The following PTPRD variants were observed in gnomAD, a reference collection of about 807,000 sequenced individuals.
PTPRD encodes the protein receptor-type tyrosine-protein phosphatase delta.
In PTPRD, 34 loss-of-function variants were observed where a neutral mutation model predicts 214.5. The ratio of observed to expected loss-of-function variants is 0.16; its 90% CI spans 0.12 to 0.21. PTPRD has a LOEUF of 0.21. PTPRD is among the 10% of genes least tolerant of loss of function. PTPRD has a pLI of 1.00. For missense variants in PTPRD, 2,545 were observed against 2,398.7 expected, an observed-to-expected ratio of 1.06 and a Z score of -1.27; for synonymous variants, 1,128 against 845.7, an observed-to-expected ratio of 1.33 and a Z score of -5.79.
At chr9:9,886,419 G>A (rs556170966) in intron 5 of PTPRD, among the ~76,000 whole-genome samples, 14 of 152,170 alleles carry the variant, frequency 9.2e-5, no homozygotes, top group East Asian at 5.8e-4. Context: ...CCTTGAGCCC[G>A]AAACTATTGC....
chr9:10,038,639 T>C (rs1015533773), intron 3 of PTPRD, among the ~76,000 whole-genome samples: 2 of 152,100 alleles, frequency 1.3e-5, no homozygotes, highest in Non-Finnish European at 2.9e-5. Flanking sequence ...TAATAATTAT[T>C]AGAGTTGGGA....
intron 23 of PTPRD, 61 bp from the exon 24 acceptor site, chr9:8,501,120 A>G: frequency 7.6e-7 from 1 of 1,308,504 alleles, no homozygotes; most frequent in African/African-American, 1.5e-5. Context: ...GTTGAAAAAA[A>G]AAATGATAAA....
At chr9:9,503,126 C>G (rs1444149878) in intron 8 of PTPRD, among the ~76,000 whole-genome samples, 3 of 151,584 alleles carry the variant, frequency 2.0e-5, no homozygotes, top group Non-Finnish European at 4.4e-5. Context: ...AAAGAAGGGA[C>G]TTGGTTGGTA....
intron 8 of PTPRD, among the ~76,000 whole-genome samples, chr9:9,528,498 T>C (rs1463349114): frequency 6.6e-6 from 1 of 152,186 alleles, no homozygotes; most frequent in African/African-American, 2.4e-5. Flanking sequence ...AACATCAATT[T>C]ATGTCATTGA....
chr9:9,510,376 T>G (rs1371081902), intron 8 of PTPRD, among the ~76,000 whole-genome samples: 1 of 151,680 alleles, frequency 6.6e-6, no homozygotes, highest in Non-Finnish European at 1.5e-5. Flanking sequence ...TGAGCAAACT[T>G]CCCAGCATAT....
intron 12 of PTPRD, among the ~76,000 whole-genome samples, chr9:8,640,914 A>T (rs1595877294): frequency 6.7e-6 from 1 of 149,220 alleles, no homozygotes; most frequent in East Asian, 1.9e-4. Flanking sequence ...TTGCTGGTCA[A>T]ACTCTCAGAT....
At chr9:9,341,446 G>A (rs1008520890) in intron 9 of PTPRD, among the ~76,000 whole-genome samples, 1 of 152,078 alleles carries the variant, frequency 6.6e-6, no homozygotes, top group Non-Finnish European at 1.5e-5. Context: ...CCCACTGACT[G>A]CATTACTATT....
intron 11 of PTPRD, among the ~76,000 whole-genome samples, chr9:8,971,065 C>A (rs1190770744): frequency 1.3e-5 from 2 of 150,296 alleles, no homozygotes; most frequent in East Asian, 1.9e-4. Flanking sequence ...CAAACTGTCA[C>A]AATTCTTTTC....
chr9:9,712,428 T>C (rs1412471426), intron 7 of PTPRD, among the ~76,000 whole-genome samples: 3 of 152,160 alleles, frequency 2.0e-5, no homozygotes, highest in Non-Finnish European at 4.4e-5. Context: ...TTACTCCAGT[T>C]CATTAATATT....
intron 11 of PTPRD, among the ~76,000 whole-genome samples, chr9:8,767,502 T>G (rs1039026512): frequency 2.2e-4 from 33 of 152,306 alleles, no homozygotes; most frequent in African/African-American, 7.2e-4. Flanking sequence ...CATGTACATT[T>G]GTTGCAGCAT....
chr9:8,415,077 T>C (rs2093832544), intron 35 of PTPRD, among the ~76,000 whole-genome samples: 1 of 151,958 alleles, frequency 6.6e-6, no homozygotes, highest in South Asian at 2.1e-4. Context: ...TGCAGTGCAA[T>C]ACCTATCTCC....
rs1322406807 is a variant in PTPRD, at chr9:9,186,853, G to A, written c.-202-3490C>T. ...GAGCATAATCTTCTATTTTCTAACT[G>A]GAATTATCTAGATGATGTTTATATT... On this transcript the variant is annotated intron_variant, in intron 9 of 45. Transcript: ENST00000381196. Among the ~76,000 whole-genome samples, 3 of 151,716 alleles carry A rather than the reference G, an allele frequency of 2.0e-5. No individual in the cohort carries two copies. The South Asian group carries it at 6.2e-4, about 32-fold the overall frequency.
At chr9:10,581,476 TAAG>T (rs2071783954) in intron 2 of PTPRD, among the ~76,000 whole-genome samples, 2 of 152,188 alleles carry the variant, frequency 1.3e-5, no homozygotes, top group South Asian at 4.1e-4. Context: ...TAGGGGCAGT[TAAG>T]AAAGCAAACA....
intron 11 of PTPRD, among the ~76,000 whole-genome samples, chr9:8,897,969 A>T (rs1222990947): frequency 1.3e-5 from 2 of 152,188 alleles, no homozygotes; most frequent in Non-Finnish European, 2.9e-5. Context: ...GATGCTACAT[A>T]ATTAAAGATT....
chr9:9,224,251 G>C (rs924003951), intron 9 of PTPRD, among the ~76,000 whole-genome samples: 2 of 151,906 alleles, frequency 1.3e-5, no homozygotes, highest in African/African-American at 4.8e-5. Context: ...CTTTAGTGAA[G>C]TTTATTTTAG....
At chr9:8,538,691 G>A (rs928299848) in intron 14 of PTPRD, among the ~76,000 whole-genome samples, 32 of 151,160 alleles carry the variant, frequency 2.1e-4, no homozygotes, top group African/African-American at 6.3e-4. Flanking sequence ...ATATATATAT[G>A]ACTTGTAAAT....
chr9:9,827,765 A>C (rs532018436), intron 5 of PTPRD, among the ~76,000 whole-genome samples: 66 of 152,304 alleles, frequency 4.3e-4, no homozygotes, highest in African/African-American at 1.6e-3. Context: ...TCATCTGACA[A>C]AGGGCTAATA....
intron 3 of PTPRD, among the ~76,000 whole-genome samples, chr9:10,312,301 A>AT (rs1466626137): frequency 6.6e-6 from 1 of 152,006 alleles, no homozygotes; most frequent in Non-Finnish European, 1.5e-5. Flanking sequence ...ATTTGAGGCT[A>AT]TTTTGTAAAG....
At chr9:8,402,126 C>T (rs1053851888) in intron 36 of PTPRD, among the ~76,000 whole-genome samples, 19 of 152,206 alleles carry the variant, frequency 1.2e-4, no homozygotes, top group African/African-American at 3.4e-4. Context: ...ATGCTGTTCA[C>T]GGTTGTAATT....
Sources: gnomAD v4.1 joint callset for allele counts (sites outside exome capture counted in the v4.1 genomes callset) on GRCh38, gnomAD v4.1.1 for gene constraint, MANE v1.5 for transcripts, NCBI Gene and HGNC (gene_info 2026-07-23, HGNC 2026-07-21) for gene names.